PHLDB2: variants seen among roughly 807,000 people sequenced by gnomAD.
PHLDB2 encodes pleckstrin homology-like domain family B member 2.
A neutral mutation model predicts 123.6 loss-of-function variants in PHLDB2; 71 were observed. That is an observed-to-expected ratio of 0.57 (90% CI 0.47 to 0.70). The LOEUF (loss-of-function observed/expected upper bound fraction) is 0.70, where lower values mean the gene tolerates loss of function less well. PHLDB2 is among the 30% of genes least tolerant of loss of function. The pLI is 0.00. For missense variants in PHLDB2, 1,446 were observed against 1,519.5 expected (o/e 0.95, Z 0.80); for synonymous variants, 547 against 541.6 (o/e 1.01, Z -0.14).
chr3:111,840,435 A>G (rs1237800326), intron 1 of PHLDB2, among the ~76,000 whole-genome samples: 1 of 152,118 alleles, frequency 6.6e-6, no homozygotes, highest in African/African-American at 2.4e-5. Context: ...ATATTTTCTT[A>G]ATGTGGTGTT....
intron 1 of PHLDB2, among the ~76,000 whole-genome samples, chr3:111,787,421 TA>T (rs752098228): frequency 8.5e-5 from 13 of 152,320 alleles, no homozygotes; most frequent in East Asian, 5.8e-4. Context: ...TATCTTTGGA[TA>T]TTTTTTTGCA....
chr3:111,890,964 G>A (rs1022914430), intron 2 of PHLDB2, among the ~76,000 whole-genome samples: 2 of 152,120 alleles, frequency 1.3e-5, no homozygotes, highest in Admixed American at 1.3e-4. Context: ...GATTTGAAAT[G>A]TTCTGAACTA....
chr3:111,781,947 C>G (rs1055071958), intron 1 of PHLDB2, among the ~76,000 whole-genome samples: 11 of 152,024 alleles, frequency 7.2e-5, no homozygotes, highest in Admixed American at 5.3e-4. Context: ...CACAAAACTA[C>G]CTCAGTCATA....
At chr3:111,907,167 T>A (rs777642055) in intron 2 of PHLDB2, among the ~76,000 whole-genome samples, 8 of 152,304 alleles carry the variant, frequency 5.3e-5, no homozygotes, top group Admixed American at 1.3e-4. Flanking sequence ...CACACAAGAT[T>A]TTCCCCACAT....
At chr3:111,917,876 T>G (rs1167707893) in intron 3 of PHLDB2, among the ~76,000 whole-genome samples, 9 of 152,080 alleles carry the variant, frequency 5.9e-5, no homozygotes, top group Non-Finnish European at 1.3e-4. Flanking sequence ...ACTTAATGGG[T>G]TTTTTGGGGG....
intron 5 of PHLDB2, among the ~76,000 whole-genome samples, chr3:111,928,285 T>C (rs1315462555): frequency 1.3e-5 from 2 of 152,216 alleles, no homozygotes; most frequent in Non-Finnish European, 2.9e-5. Context: ...TAAGAATAGT[T>C]TTTGGTGGAT....
At chr3:111,925,026 G>T (rs1360221517) in intron 5 of PHLDB2, among the ~76,000 whole-genome samples, 12 of 151,664 alleles carry the variant, frequency 7.9e-5, no homozygotes, top group Non-Finnish European at 1.3e-4. Flanking sequence ...ACGGAGTTTC[G>T]TCATGTTGTC....
intron 1 of PHLDB2, among the ~76,000 whole-genome samples, chr3:111,765,705 C>T (rs1281445668): frequency 6.6e-6 from 1 of 152,154 alleles, no homozygotes. Context: ...TCTATGGTGA[C>T]ATCAGGGCTT....
rs370182032 is a variant in PHLDB2, at chr3:111,953,925, C to T, written c.2773-5C>T. ...GCCTGAAGTACTCCCTCCTGCTTCC[C>T]GCAGGCCCATCTGCCCCTAGGACAG... On this transcript the variant is annotated splice_region_variant and splice_polypyrimidine_tract_variant and intron_variant, in intron 11 of 17. Coordinates refer to ENST00000431670, the MANE Select transcript of PHLDB2 (RefSeq NM_001134438.2). The T allele has an allele frequency of 8.2e-5, 133 of 1,612,292 alleles. No individual in the cohort carries two copies. The Middle Eastern group carries it at 1.2e-3, about 14-fold the overall frequency.
chr3:111,791,479 T>G (rs2060922131), intron 1 of PHLDB2, among the ~76,000 whole-genome samples: 1 of 152,254 alleles, frequency 6.6e-6, no homozygotes, highest in South Asian at 2.1e-4. Flanking sequence ...ATAGGCAATT[T>G]GTCACGGGGT....
At chr3:111,754,883 G>A (rs1242979376) in intron 1 of PHLDB2, among the ~76,000 whole-genome samples, 1 of 142,480 alleles carries the variant, frequency 7.0e-6, no homozygotes, top group African/African-American at 2.6e-5. Flanking sequence ...TTTGTCAAAG[G>A]CCTTTTCTGC....
At chr3:111,780,708 G>T (rs1165840119) in intron 1 of PHLDB2, among the ~76,000 whole-genome samples, 1 of 152,066 alleles carries the variant, frequency 6.6e-6, no homozygotes, top group African/African-American at 2.4e-5. Flanking sequence ...TCTCATATCA[G>T]AGATTATTCA....
At chr3:111,855,822 G>A (rs897978875), upstream of PHLDB2, among the ~76,000 whole-genome samples, 4 of 151,830 alleles carry the variant, frequency 2.6e-5, no homozygotes, top group African/African-American at 4.8e-5. Context: ...TAGTAGAGAC[G>A]GGTTTTGCCA....
Position 111,913,644 on chromosome 3 carries a change from C to T in PHLDB2, c.1661C>T (p.Pro554Leu). The change falls in exon 3 of 18, where the codon CCA (proline) becomes CTA (leucine). Residue 554 changes from proline (P) to leucine (L), a missense_variant. Transcript: ENST00000431670. ...GACCTCACCCGGACTCCTCCACCAC[C>T]ATCCTCCACCTTTCCGAAAGCTTCC... ...LSDLTRTPPPPSSTFPKASSE... is the reference protein window; with the variant it reads ...LSDLTRTPPPLSSTFPKASSE... 6.2e-7 allele frequency: 1 copy of T among 1,614,012 alleles called. No individual in the cohort carries two copies. The highest frequency in any genetic ancestry group is 8.5e-7 in the Non-Finnish European group (1 of 1,179,866).
chr3:111,758,164 G>C (rs1355854447), intron 1 of PHLDB2, among the ~76,000 whole-genome samples: 1 of 152,036 alleles, frequency 6.6e-6, no homozygotes, highest in Non-Finnish European at 1.5e-5. Context: ...ACTCTGCAGA[G>C]GTTACTGCTG....
At chr3:111,801,360 A>C (rs1331968882) in intron 1 of PHLDB2, among the ~76,000 whole-genome samples, 6 of 152,172 alleles carry the variant, frequency 3.9e-5, no homozygotes, top group Admixed American at 3.9e-4. Flanking sequence ...AGACACAGAA[A>C]CTAAACAAGA....
chr3:111,750,154 T>G (rs1372251160), intron 1 of PHLDB2, among the ~76,000 whole-genome samples: 2 of 152,220 alleles, frequency 1.3e-5, no homozygotes, highest in African/African-American at 2.4e-5. Flanking sequence ...CTTATGCCTA[T>G]TAGTATATGG....
intron 1 of PHLDB2, among the ~76,000 whole-genome samples, chr3:111,801,770 T>C (rs1213176245): frequency 1.3e-5 from 2 of 152,224 alleles, no homozygotes; most frequent in African/African-American, 2.4e-5. Flanking sequence ...ATTACATTTA[T>C]ATGAAATGTG....
intron 1 of PHLDB2, among the ~76,000 whole-genome samples, chr3:111,736,427 A>G (rs776974494): frequency 3.6e-4 from 55 of 152,302 alleles, no homozygotes; most frequent in Admixed American, 1.5e-3. Context: ...GCCCTGTAAG[A>G]TGAGTACTGT....
Sources: allele counts gnomAD v4.1 joint callset (sites outside exome capture counted in the v4.1 genomes callset), GRCh38; gene constraint gnomAD v4.1.1; transcripts MANE v1.5; gene names NCBI Gene and HGNC (gene_info 2026-07-23, HGNC 2026-07-21).